Variants in GPR176 observed in about 807,000 individuals in gnomAD.
GPR176 encodes the protein G protein-coupled receptor 176.
Under a neutral mutation model 35.4 loss-of-function variants are expected in GPR176, and 26 were observed. That is an observed-to-expected ratio of 0.74 (90% CI 0.54 to 1.02). The LOEUF (loss-of-function observed/expected upper bound fraction) is 1.02. Among genes scored for constraint, GPR176 ranks in the 50% least tolerant of loss-of-function variants. The pLI is 0.00. For missense variants in GPR176, 597 were observed against 665.3 expected, an observed-to-expected ratio of 0.90 and a Z score of 1.13; for synonymous variants, 278 against 271.3, an observed-to-expected ratio of 1.02 and a Z score of -0.24.
At chr15:39,803,524 ACC>A (rs529075013) in intron 2 of GPR176, among the ~76,000 whole-genome samples, 1 of 151,526 alleles carries the variant, frequency 6.6e-6, no homozygotes, top group Non-Finnish European at 1.5e-5. Flanking sequence ...CAGCTGATCC[ACC>A]CGCCTCGGCC....
intron 1 of GPR176, among the ~76,000 whole-genome samples, chr15:39,913,631 GGCAGT>G (rs2140879921): frequency 6.6e-6 from 1 of 152,130 alleles, no homozygotes; most frequent in East Asian, 1.9e-4. Flanking sequence ...AGGGGAAAAA[GGCAGT>G]GCTACTACCG....
chr15:39,806,068 CT>C (rs1391503524), intron 2 of GPR176, among the ~76,000 whole-genome samples: 2 of 152,186 alleles, frequency 1.3e-5, no homozygotes, highest in Non-Finnish European at 2.9e-5. Context: ...GCTGAAATGA[CT>C]CTATAGATGG....
At chr15:39,907,561 T>C (rs1257419455) in intron 1 of GPR176, among the ~76,000 whole-genome samples, 9 of 152,190 alleles carry the variant, frequency 5.9e-5, no homozygotes, top group African/African-American at 9.7e-5. Context: ...CACCCCATAA[T>C]TGACTGTAGC....
chr15:39,903,782 T>G (rs1015196788), intron 1 of GPR176, among the ~76,000 whole-genome samples: 1 of 152,128 alleles, frequency 6.6e-6, no homozygotes, highest in African/African-American at 2.4e-5. Context: ...TAGTGTCTGG[T>G]CATTGTGTTA....
At chr15:39,815,878 C>T (rs1446700828) in intron 1 of GPR176, among the ~76,000 whole-genome samples, 1 of 152,096 alleles carries the variant, frequency 6.6e-6, no homozygotes, top group Non-Finnish European at 1.5e-5. Context: ...TTCCCGATCA[C>T]CAAGATGTGG....
At chr15:39,892,555 CT>C (rs1017331823) in intron 1 of GPR176, among the ~76,000 whole-genome samples, 1 of 152,214 alleles carries the variant, frequency 6.6e-6, no homozygotes, top group Non-Finnish European at 1.5e-5. Flanking sequence ...TAGAAACAAT[CT>C]TTGCAGATGT....
chr15:39,915,987 C>A (rs2033717488), intron 1 of GPR176, among the ~76,000 whole-genome samples: 1 of 152,162 alleles, frequency 6.6e-6, no homozygotes, highest in South Asian at 2.1e-4. Context: ...TTATAAAAAT[C>A]TCTTATACCT....
chr15:39,902,652 G>A (rs1286933671), intron 1 of GPR176, among the ~76,000 whole-genome samples: 1 of 152,130 alleles, frequency 6.6e-6, no homozygotes, highest in Non-Finnish European at 1.5e-5. Context: ...CTGGAGTCTC[G>A]CTTGAACTCT....
At chr15:39,829,054 A>C (rs1351063467) in intron 1 of GPR176, 1 of 796,306 alleles carries the variant, frequency 1.3e-6, no homozygotes, top group Non-Finnish European at 2.1e-6. Flanking sequence ...AAAAATAAGG[A>C]AATTGAGGCA....
At chr15:39,896,793 T>C (rs908487915) in intron 1 of GPR176, among the ~76,000 whole-genome samples, 3 of 152,142 alleles carry the variant, frequency 2.0e-5, no homozygotes, top group African/African-American at 7.2e-5. Flanking sequence ...CTGCCTATAA[T>C]CTCAGCTACT....
intron 1 of GPR176, among the ~76,000 whole-genome samples, chr15:39,869,171 A>AAAAAAAAAAAAAC (rs2031951968): frequency 6.6e-6 from 1 of 151,954 alleles, no homozygotes; most frequent in African/African-American, 2.4e-5. Flanking sequence ...AAAAAAAAAA[A>AAAAAAAAAAAAAC]AAAGAACACT....
chr15:39,835,892 C>T (rs1595464687), intron 1 of GPR176, among the ~76,000 whole-genome samples: 1 of 152,018 alleles, frequency 6.6e-6, no homozygotes, highest in African/African-American at 2.4e-5. Context: ...GCCAGGAGTT[C>T]GATAATAGCC....
At chr15:39,896,022 G>C (rs1185694669) in intron 1 of GPR176, among the ~76,000 whole-genome samples, 2 of 152,220 alleles carry the variant, frequency 1.3e-5, no homozygotes, top group Non-Finnish European at 2.9e-5. Context: ...AATTAAAGGA[G>C]ATTCATCACA....
chr15:39,872,008 A>C (rs2032060418), intron 1 of GPR176, among the ~76,000 whole-genome samples: 2 of 152,248 alleles, frequency 1.3e-5, no homozygotes, highest in Admixed American at 1.3e-4. Context: ...ATTTTATCCA[A>C]TTCAGCATTT....
At chr15:39,893,682 G>A (rs1391309833) in intron 1 of GPR176, among the ~76,000 whole-genome samples, 21 of 151,582 alleles carry the variant, frequency 1.4e-4, no homozygotes, top group Admixed American at 8.5e-4. Context: ...AGGGGCGGCC[G>A]GGCAGAGGCG....
chr15:39,829,207 C>A, intron 1 of GPR176: 7 of 1,518,306 alleles, frequency 4.6e-6, no homozygotes, highest in Non-Finnish European at 5.3e-6. Flanking sequence ...CACAACGCAA[C>A]CCCCAACACT....
intron 1 of GPR176, among the ~76,000 whole-genome samples, chr15:39,898,602 G>A (rs1196936290): frequency 6.6e-6 from 1 of 152,076 alleles, no homozygotes; most frequent in African/African-American, 2.4e-5. Flanking sequence ...ATGTACCCTG[G>A]GAGCCAAGCG....
At chr15:39,837,744 A>G (rs772654312) in intron 1 of GPR176, among the ~76,000 whole-genome samples, 1 of 152,118 alleles carries the variant, frequency 6.6e-6, no homozygotes, top group African/African-American at 2.4e-5. Flanking sequence ...TCATAAGATC[A>G]TAAGACTAAC....
intron 1 of GPR176, among the ~76,000 whole-genome samples, chr15:39,851,918 T>C (rs1035520034): frequency 3.9e-5 from 6 of 152,186 alleles, no homozygotes; most frequent in Non-Finnish European, 8.8e-5. Flanking sequence ...ATTAGACCTT[T>C]GATTGTAAGT....
Sources: allele counts gnomAD v4.1 joint callset (sites outside exome capture counted in the v4.1 genomes callset), GRCh38; gene constraint gnomAD v4.1.1; transcripts MANE v1.5; gene names NCBI Gene and HGNC (gene_info 2026-07-23, HGNC 2026-07-21).